DOK6: variants seen among roughly 807,000 people sequenced by gnomAD.
DOK6 encodes the protein downstream of tyrosine kinase 6.
Under a neutral mutation model 44.0 loss-of-function variants are expected in DOK6, and 22 were observed. The ratio of observed to expected loss-of-function variants is 0.50; its 90% CI spans 0.36 to 0.71. The LOEUF (loss-of-function observed/expected upper bound fraction) is 0.71, where lower values mean the gene tolerates loss of function less well. Ranked by LOEUF, DOK6 falls within the 30% of genes least tolerant of loss-of-function variation. The probability of loss-of-function intolerance (pLI) is 0.00; values close to 1 mark genes in which losing one functional copy is unlikely to be tolerated. For missense variants in DOK6, 340 were observed against 416.4 expected (o/e 0.82, Z 1.60); for synonymous variants, 166 against 145.5 (o/e 1.14, Z -1.01).
intron 1 of DOK6, among the ~76,000 whole-genome samples, chr18:69,438,502 CA>C (rs1979046307): frequency 1.3e-5 from 2 of 152,152 alleles, no homozygotes; most frequent in South Asian, 2.1e-4. Context: ...TTGAACTCCT[CA>C]AAGTCATCCA....
At chr18:69,719,052 A>G (rs557954824) in intron 5 of DOK6, among the ~76,000 whole-genome samples, 23 of 152,330 alleles carry the variant, frequency 1.5e-4, no homozygotes, top group African/African-American at 5.3e-4. Context: ...TTATAGCCCA[A>G]TGGGTTCTTG....
chr18:69,790,935 C>T (rs1980577455), intron 7 of DOK6, among the ~76,000 whole-genome samples: 1 of 150,518 alleles, frequency 6.6e-6, no homozygotes, highest in African/African-American at 2.5e-5. Flanking sequence ...CTCCCCCACC[C>T]TTCCCATCCT....
chr18:69,521,069 T>TATGA (rs1262936962), intron 1 of DOK6, among the ~76,000 whole-genome samples: 3 of 151,922 alleles, frequency 2.0e-5, no homozygotes, highest in African/African-American at 4.8e-5. Flanking sequence ...CAGGTGGTCA[T>TATGA]GGTAGAATAT....
chr18:69,611,495 TACAC>T (rs58620722), intron 3 of DOK6, among the ~76,000 whole-genome samples: 42 of 150,924 alleles, frequency 2.8e-4, no homozygotes, highest in African/African-American at 8.0e-4. Flanking sequence ...CAAGTACACG[TACAC>T]ACACACACAC....
chr18:69,545,046 G>A (rs1179197836), intron 1 of DOK6, among the ~76,000 whole-genome samples: 1 of 150,732 alleles, frequency 6.6e-6, no homozygotes, highest in Admixed American at 6.6e-5. Context: ...ACTTGAACCC[G>A]GGGGTGGAGG....
At chr18:69,638,919 C>T (rs1360183063) in intron 3 of DOK6, among the ~76,000 whole-genome samples, 3 of 152,144 alleles carry the variant, frequency 2.0e-5, no homozygotes, top group African/African-American at 7.2e-5. Context: ...TCAATATTAA[C>T]ATGATGTTGT....
intron 7 of DOK6, among the ~76,000 whole-genome samples, chr18:69,785,591 AAT>A (rs1327630821): frequency 2.6e-5 from 4 of 152,148 alleles, no homozygotes; most frequent in Non-Finnish European, 5.9e-5. Context: ...TTCTTTTAGG[AAT>A]AGATTTTCCA....
At chr18:69,628,024 A>G (rs1984599599) in intron 3 of DOK6, among the ~76,000 whole-genome samples, 1 of 152,220 alleles carries the variant, frequency 6.6e-6, no homozygotes, top group South Asian at 2.1e-4. Flanking sequence ...GTACAAAACA[A>G]TGTTCCTTAA....
chr18:69,680,257 C>T (rs373136146), intron 4 of DOK6, among the ~76,000 whole-genome samples: 1 of 152,142 alleles, frequency 6.6e-6, no homozygotes, highest in South Asian at 2.1e-4. Flanking sequence ...CACGTACTCA[C>T]TAAGACTCTT....
intron 5 of DOK6, among the ~76,000 whole-genome samples, chr18:69,706,525 T>TA (rs1339384057): frequency 0.015 from 2,348 of 151,526 alleles, 66 homozygotes; most frequent in African/African-American, 0.055. Context: ...TTTTTTTTTT[T>TA]AATTTTATTA....
At chr18:69,401,417 G>A in intron 1 of DOK6, 107 bp downstream of exon 1, 2 of 1,255,156 alleles carry the variant, frequency 1.6e-6, no homozygotes, top group Non-Finnish European at 1.0e-6. Context: ...GGGCAGAGAG[G>A]GACCCGGCCC....
At chr18:69,737,444 A>G (rs1437548263) in intron 5 of DOK6, among the ~76,000 whole-genome samples, 1 of 152,106 alleles carries the variant, frequency 6.6e-6, no homozygotes, top group Non-Finnish European at 1.5e-5. Flanking sequence ...CCCTCCCTCC[A>G]CATGTGGGGA....
intron 3 of DOK6, among the ~76,000 whole-genome samples, chr18:69,623,350 T>C (rs1984486595): frequency 6.6e-6 from 1 of 152,146 alleles, no homozygotes; most frequent in African/African-American, 2.4e-5. Context: ...CACACTTTGT[T>C]TTTACACTAT....
At chr18:69,664,914 C>T (rs1028071087) in intron 3 of DOK6, among the ~76,000 whole-genome samples, 2 of 152,166 alleles carry the variant, frequency 1.3e-5, no homozygotes, top group African/African-American at 4.8e-5. Context: ...TGCGATGGCT[C>T]ACGCCTGTAA....
At chr18:69,448,515 G>C (rs1314892164) in intron 1 of DOK6, among the ~76,000 whole-genome samples, 2 of 152,044 alleles carry the variant, frequency 1.3e-5, no homozygotes, top group South Asian at 2.1e-4. Context: ...GAGATTACAG[G>C]CATGCACCAC....
Position 69,500,361 on chromosome 18 carries a change from C to A in DOK6, c.67-64126C>A, listed in dbSNP as rs1272928097. ...ATGGACAAAGGACTTGACTTGTTTCCTTTATTCTTGCCATTCTCTTTCATA... is the reference window on the plus strand; with the variant it reads ...ATGGACAAAGGACTTGACTTGTTTCATTTATTCTTGCCATTCTCTTTCATA... On this transcript the variant is annotated intron_variant, in intron 1 of 7. Transcript: ENST00000382713. 5.9e-5 allele frequency among the ~76,000 whole-genome samples: 9 copies of A among 152,256 alleles called. No homozygotes were observed. The East Asian group carries it at 1.3e-3, about 23-fold the overall frequency.
At chr18:69,828,425 G>A (rs2145130271) in intron 7 of DOK6, among the ~76,000 whole-genome samples, 1 of 151,880 alleles carries the variant, frequency 6.6e-6, no homozygotes, top group South Asian at 2.1e-4. Context: ...GCTTTGCAAA[G>A]AGATCGCAGT....
chr18:69,435,030 GGAAGGAAGGAAGGAAGGAAGGAA>G (rs1568256513), intron 1 of DOK6, among the ~76,000 whole-genome samples: 1 of 28,342 alleles, frequency 3.5e-5, no homozygotes, highest in Non-Finnish European at 1.0e-4. Context: ...AGGGAGGGAA[GGAAGGAAGGAAGGAAGGAAGGAA>G]GGAAGGAAGG....
At chr18:69,420,919 C>G (rs530951033) in intron 1 of DOK6, among the ~76,000 whole-genome samples, 1 of 152,172 alleles carries the variant, frequency 6.6e-6, no homozygotes, top group East Asian at 1.9e-4. Context: ...TAATTGGAAC[C>G]ATTGGCTGTA....
Sources: gnomAD v4.1 joint callset for allele counts (sites outside exome capture counted in the v4.1 genomes callset) on GRCh38, gnomAD v4.1.1 for gene constraint, MANE v1.5 for transcripts, NCBI Gene and HGNC (gene_info 2026-07-23, HGNC 2026-07-21) for gene names.